Variants in ANKMY2 observed in about 807,000 individuals in gnomAD.
The protein encoded by ANKMY2 is ankyrin repeat and MYND domain-containing protein 2.
In ANKMY2, 36 loss-of-function variants were observed where a neutral mutation model predicts 50.4. That is an observed-to-expected ratio of 0.71 (90% CI 0.55 to 0.94). The LOEUF (loss-of-function observed/expected upper bound fraction) is 0.94, where lower values mean the gene tolerates loss of function less well. Among genes scored for constraint, ANKMY2 ranks in the 40% least tolerant of loss-of-function variants. The pLI is 0.00. For synonymous variants in ANKMY2, 187 were observed against 178.8 expected, an observed-to-expected ratio of 1.05 and a Z score of -0.36; for missense variants, 565 against 524.0, an observed-to-expected ratio of 1.08 and a Z score of -0.76.
rs78980526 is a variant in ANKMY2 at position 16,612,161 on chromosome 7, C to A, written c.532-1398G>T. ...GTACTTGCTAACCTACCTGTTACAG[C>A]TAAATCAATATCCCAGGGACTATAC... is the stretch of plus-strand genomic sequence containing the variant. On this transcript the variant is annotated intron_variant, in intron 5 of 9. Transcript: ENST00000306999. Among the ~76,000 whole-genome samples, 70 of 152,250 alleles carry A rather than the reference C, an allele frequency of 4.6e-4. 2 individuals carry two copies. In the East Asian group the frequency reaches 0.013, roughly 28 times the overall value.
At chr7:16,633,027 T>C (rs1268505401) in intron 2 of ANKMY2, among the ~76,000 whole-genome samples, 1 of 152,220 alleles carries the variant, frequency 6.6e-6, no homozygotes, top group African/African-American at 2.4e-5. Flanking sequence ...TTTCATTATG[T>C]ATTGATCACT....
At chr7:16,636,146 T>C (rs1332023019) in intron 2 of ANKMY2, among the ~76,000 whole-genome samples, 9 of 151,166 alleles carry the variant, frequency 6.0e-5, no homozygotes, top group Non-Finnish European at 8.8e-5. Flanking sequence ...CTACTAAAAA[T>C]AGAAAAATTA....
At chr7:16,600,976 C>G in intron 9 of ANKMY2, 31 bp from the exon 10 acceptor site, 2 of 1,542,720 alleles carry the variant, frequency 1.3e-6, no homozygotes, top group Non-Finnish European at 1.8e-6. Flanking sequence ...TTATTTTGTT[C>G]CTACCATGTG....
intron 4 of ANKMY2, among the ~76,000 whole-genome samples, chr7:16,620,325 T>G (rs1265441132): frequency 2.6e-5 from 4 of 152,180 alleles, no homozygotes; most frequent in African/African-American, 9.7e-5. Flanking sequence ...ACACTCTCAT[T>G]ACAGCTTGTG....
At chr7:16,619,594 GTTTATC>G (rs1223559411) in intron 4 of ANKMY2, among the ~76,000 whole-genome samples, 1 of 151,882 alleles carries the variant, frequency 6.6e-6, no homozygotes, top group Admixed American at 6.6e-5. Context: ...TATGTTTAAA[GTTTATC>G]TTTGTAAATA....
At chr7:16,602,259 T>TA in intron 9 of ANKMY2, 121 bp downstream of exon 9, 1 of 1,191,846 alleles carries the variant, frequency 8.4e-7, no homozygotes, top group Non-Finnish European at 1.2e-6. Flanking sequence ...ATGTGATTCT[T>TA]ACATCGGTCA....
chr7:16,625,999 T>G (rs1781501459), intron 3 of ANKMY2, among the ~76,000 whole-genome samples: 2 of 98,338 alleles, frequency 2.0e-5, no homozygotes, highest in Admixed American at 2.3e-4. Context: ...TTTTTTTTTT[T>G]GAGACAGAGT....
chr7:16,618,292 A>G (rs1484785441), intron 4 of ANKMY2, among the ~76,000 whole-genome samples: 1 of 152,102 alleles, frequency 6.6e-6, no homozygotes, highest in Non-Finnish European at 1.5e-5. Flanking sequence ...CTGTTTCAAC[A>G]AAACAAACAA....
chr7:16,626,652 T>C (rs1203118175), intron 3 of ANKMY2, among the ~76,000 whole-genome samples: 1 of 152,198 alleles, frequency 6.6e-6, no homozygotes, highest in African/African-American at 2.4e-5. Context: ...ATTTAGTACA[T>C]AAGTGCCAGT....
intron 6 of ANKMY2, 128 bp from the exon 7 acceptor site, chr7:16,609,893 C>T (rs917075309): frequency 1.5e-5 from 17 of 1,159,808 alleles, no homozygotes; most frequent in South Asian, 4.4e-5. Context: ...ATCATGATGA[C>T]GGGCTCAGTT....
At chr7:16,602,546 C>A in intron 8 of ANKMY2, 37 bp from the exon 9 acceptor site, 1 of 1,596,222 alleles carries the variant, frequency 6.3e-7, no homozygotes, top group South Asian at 1.1e-5. Flanking sequence ...ATTTCCAGAG[C>A]TTGGGTTGTA....
chr7:16,638,120 A>C (rs1452466544), intron 1 of ANKMY2, among the ~76,000 whole-genome samples: 1 of 152,258 alleles, frequency 6.6e-6, no homozygotes, highest in African/African-American at 2.4e-5. Flanking sequence ...CACTTCTGAC[A>C]CCAGATATAT....
At chr7:16,620,973 T>C (rs1407535409) in intron 4 of ANKMY2, among the ~76,000 whole-genome samples, 2 of 152,134 alleles carry the variant, frequency 1.3e-5, no homozygotes, top group East Asian at 3.8e-4. Context: ...ATATTAAAAG[T>C]GAAAAGCTAA....
At chr7:16,645,032 C>T (rs1781811419) in intron 1 of ANKMY2, among the ~76,000 whole-genome samples, 1 of 152,154 alleles carries the variant, frequency 6.6e-6, no homozygotes, top group African/African-American at 2.4e-5. Flanking sequence ...GAACCCCTCT[C>T]CCTAAGGGCG....
intron 2 of ANKMY2, among the ~76,000 whole-genome samples, chr7:16,632,391 G>C (rs2128345715): frequency 6.6e-6 from 1 of 152,220 alleles, no homozygotes; most frequent in South Asian, 2.1e-4. Flanking sequence ...CCCATTAGCA[G>C]TCATTTCCCA....
intron 3 of ANKMY2, among the ~76,000 whole-genome samples, chr7:16,626,374 T>A (rs1781507668): frequency 6.6e-6 from 1 of 152,222 alleles, no homozygotes; most frequent in Admixed American, 6.5e-5. Flanking sequence ...TTATGGTATA[T>A]CCTACAAATG....
At chr7:16,606,050 C>T (rs562638604) in intron 7 of ANKMY2, among the ~76,000 whole-genome samples, 1 of 152,234 alleles carries the variant, frequency 6.6e-6, no homozygotes, top group South Asian at 2.1e-4. Context: ...AACTCCTGAC[C>T]TCGTGGTTCG....
chr7:16,605,266 T>C (rs976083765), intron 7 of ANKMY2, among the ~76,000 whole-genome samples: 2 of 152,196 alleles, frequency 1.3e-5, no homozygotes, highest in Non-Finnish European at 2.9e-5. Flanking sequence ...ACTGTCTTAA[T>C]TCTGAAAAGT....
At chr7:16,633,383 G>C (rs1781614256) in intron 2 of ANKMY2, among the ~76,000 whole-genome samples, 1 of 151,388 alleles carries the variant, frequency 6.6e-6, no homozygotes, top group South Asian at 2.1e-4. Context: ...TGAACTGAAA[G>C]CTCAGAACAC....
Sources: gnomAD v4.1 joint callset for allele counts (sites outside exome capture counted in the v4.1 genomes callset) on GRCh38, gnomAD v4.1.1 for gene constraint, MANE v1.5 for transcripts, NCBI Gene and HGNC (gene_info 2026-07-23, HGNC 2026-07-21) for gene names.